The following CHN1 variants were observed in gnomAD, a reference collection of about 807,000 sequenced individuals.
CHN1 encodes the protein chimerin 1.
In CHN1, 37 loss-of-function variants were observed where a neutral mutation model predicts 59.5. The observed-to-expected ratio is 0.62, with a 90% CI of 0.48 to 0.82. The LOEUF is 0.82. Among genes scored for constraint, CHN1 ranks in the 40% least tolerant of loss-of-function variants. CHN1 has a pLI of 0.00. For synonymous variants in CHN1, 206 were observed against 200.4 expected (o/e 1.03, Z -0.24); for missense variants, 469 against 571.0 (o/e 0.82, Z 1.82).
chr2:174,814,895 C>A (rs558764582), intron 8 of CHN1, among the ~76,000 whole-genome samples: 2 of 152,162 alleles, frequency 1.3e-5, no homozygotes, highest in East Asian at 3.9e-4. Context: ...ATAAAAGGAC[C>A]CGAAGTAAGT....
chr2:174,877,982 T>C lies in CHN1; in HGVS notation c.407A>G (p.Lys136Arg), dbSNP rs759793638. The change falls in exon 6 of 13, where the codon AAG becomes AGG. Residue 136 changes from lysine to arginine, a missense_variant. By Grantham distance (26) the Lys-to-Arg change is conservative. Coordinates refer to ENST00000409900, the MANE Select transcript of CHN1 (RefSeq NM_001822.7). ...CTCATAAATTGGGTTTATCGTCATC[T>C]TGGCAATGTATTCTGCTGCCTTGGT... ...IETKAAEYIA[K>R]MTINPIYEHV... 10 of 1,613,824 alleles carry C rather than the reference T, an allele frequency of 6.2e-6. No individual in the cohort carries two copies. Among genetic ancestry groups the C allele is most frequent in the Non-Finnish European group, 8.5e-6 (10 of 1,179,870 alleles).
rs1685612833 is a variant in CHN1 at position 174,824,424 on chromosome 2, G to C, written c.712+10C>G. The C allele has an allele frequency of 6.3e-7, 1 of 1,589,554 alleles. No individual in the cohort carries two copies. The highest frequency in any genetic ancestry group is 1.7e-5 in the Admixed American group (1 of 57,776). On this transcript the variant is annotated intron_variant, in intron 8 of 12. Transcript: ENST00000409900. ...CTGACTCAATCCAGAGACAAGACAA[G>C]AGCTCTTACCTGCACATTTCACTCC... is the stretch of plus-strand genomic sequence containing the variant.
At chr2:174,873,825 G>A (rs1687479638) in intron 6 of CHN1, among the ~76,000 whole-genome samples, 3 of 152,148 alleles carry the variant, frequency 2.0e-5, no homozygotes, top group Admixed American at 2.0e-4. Context: ...GCCAAGCACT[G>A]CATTCATTCC....
At chr2:174,932,387 A>G (rs1029160226) in intron 3 of CHN1, among the ~76,000 whole-genome samples, 3 of 152,228 alleles carry the variant, frequency 2.0e-5, no homozygotes. Flanking sequence ...TAATGGGTCT[A>G]GCATTGAAGT....
chr2:175,003,522 T>C (rs1297246100), intron 1 of CHN1, among the ~76,000 whole-genome samples: 1 of 152,164 alleles, frequency 6.6e-6, no homozygotes, highest in Non-Finnish European at 1.5e-5. Context: ...AACCACACCT[T>C]GAAAATGCCA....
At chr2:174,851,167 G>A (rs1015801591) in intron 6 of CHN1, among the ~76,000 whole-genome samples, 18 of 152,188 alleles carry the variant, frequency 1.2e-4, no homozygotes, top group Non-Finnish European at 5.9e-5. Context: ...TAACTGGGTG[G>A]GAGCCTAAAC....
intron 1 of CHN1, among the ~76,000 whole-genome samples, chr2:174,997,365 C>A (rs1414973995): frequency 6.6e-6 from 1 of 152,148 alleles, no homozygotes; most frequent in African/African-American, 2.4e-5. Flanking sequence ...CTTCTACTTT[C>A]TTTTCTCTTA....
intron 1 of CHN1, among the ~76,000 whole-genome samples, chr2:174,955,109 CTATAGATCTATAGATCTAA>C (rs1439646705): frequency 2.6e-3 from 388 of 148,276 alleles, no homozygotes; most frequent in Non-Finnish European, 2.2e-3. Flanking sequence ...ATATATAGAT[CTATAGATCTATAGATCTAA>C]TATAGATCTA....
chr2:174,866,591 G>C (rs1223911156), intron 6 of CHN1, among the ~76,000 whole-genome samples: 1 of 152,138 alleles, frequency 6.6e-6, no homozygotes, highest in African/African-American at 2.4e-5. Flanking sequence ...TTGGTAATTA[G>C]AATGCTATAG....
intron 1 of CHN1, among the ~76,000 whole-genome samples, chr2:174,972,651 G>GCTGCATTGCTGCGTGCT (rs1690795866): frequency 6.6e-6 from 1 of 152,164 alleles, no homozygotes; most frequent in Admixed American, 6.5e-5. Context: ...AGAAAGTAAA[G>GCTGCATTGCTGCGTGCT]TGAGATCTTG....
At chr2:174,971,719 C>T (rs1690764207) in intron 1 of CHN1, among the ~76,000 whole-genome samples, 1 of 152,192 alleles carries the variant, frequency 6.6e-6, no homozygotes, top group African/African-American at 2.4e-5. Flanking sequence ...TTTAAAGTCA[C>T]AAGGAGCAGA....
intron 1 of CHN1, among the ~76,000 whole-genome samples, chr2:174,970,535 A>G (rs1382565142): frequency 1.3e-5 from 2 of 152,228 alleles, no homozygotes; most frequent in Non-Finnish European, 2.9e-5. Flanking sequence ...TTCCCATGAG[A>G]TCGATGGTGA....
At chr2:174,819,236 C>G (rs1685393687) in intron 8 of CHN1, among the ~76,000 whole-genome samples, 1 of 152,116 alleles carries the variant, frequency 6.6e-6, no homozygotes. Context: ...TCAATCAAAA[C>G]AGTAGTTAAA....
At chr2:174,839,032 T>A (rs891606504) in intron 7 of CHN1, among the ~76,000 whole-genome samples, 4 of 150,932 alleles carry the variant, frequency 2.7e-5, no homozygotes, top group South Asian at 2.1e-4. Context: ...AAAAAAAAAA[T>A]TTAGAAGAAG....
At chr2:174,847,291 T>A in intron 6 of CHN1, 2 of 1,354,438 alleles carry the variant, frequency 1.5e-6, no homozygotes, top group Non-Finnish European at 1.9e-6. Context: ...ATGAAGCACT[T>A]CTTAAACAGA....
intron 1 of CHN1, among the ~76,000 whole-genome samples, chr2:174,981,453 A>T (rs373130332): frequency 2.3e-4 from 35 of 152,324 alleles, no homozygotes; most frequent in African/African-American, 6.0e-4. Flanking sequence ...ACTTTTGAGT[A>T]AGCAACTCTA....
intron 7 of CHN1, among the ~76,000 whole-genome samples, chr2:174,845,784 G>GC (rs1558949648): frequency 8.2e-6 from 1 of 121,344 alleles, no homozygotes; most frequent in Non-Finnish European, 1.7e-5. Context: ...ATATGGGTGG[G>GC]GGGGGGGGTG....
chr2:174,833,906 C>T (rs1685972089), intron 7 of CHN1, among the ~76,000 whole-genome samples: 1 of 151,880 alleles, frequency 6.6e-6, no homozygotes, highest in Admixed American at 6.6e-5. Context: ...ATCCTCTCAC[C>T]TCAGCCTCTT....
At chr2:174,993,677 C>T (rs889903709) in intron 1 of CHN1, among the ~76,000 whole-genome samples, 3 of 150,632 alleles carry the variant, frequency 2.0e-5, no homozygotes, top group African/African-American at 7.3e-5. Context: ...ATCACAGCTA[C>T]AATCAGAGGG....
Sources: gnomAD v4.1 joint callset for allele counts (sites outside exome capture counted in the v4.1 genomes callset) on GRCh38, gnomAD v4.1.1 for gene constraint, MANE v1.5 for transcripts, NCBI Gene and HGNC (gene_info 2026-07-23, HGNC 2026-07-21) for gene names.